The following GRID2 variants were observed in gnomAD, a reference collection of about 807,000 sequenced individuals.
GRID2 encodes glutamate ionotropic receptor delta type subunit 2.
In GRID2, 33 loss-of-function variants were observed where a neutral mutation model predicts 114.8. The ratio of observed to expected loss-of-function variants is 0.29; its 90% CI spans 0.22 to 0.38. GRID2 has a LOEUF of 0.38. Among genes scored for constraint, GRID2 ranks in the 10% least tolerant of loss-of-function variants. The pLI is 1.00. For missense variants in GRID2, 1,184 were observed against 1,257.7 expected (o/e 0.94, Z 0.89); for synonymous variants, 505 against 449.9 (o/e 1.12, Z -1.55).
chr4:93,531,182 A>G (rs1731408491), intron 13 of GRID2, among the ~76,000 whole-genome samples: 1 of 152,100 alleles, frequency 6.6e-6, no homozygotes, highest in Admixed American at 6.6e-5. Context: ...AGACAGAGTA[A>G]GACGAAGGCT....
chr4:93,199,263 A>T (rs1183261763), intron 4 of GRID2, among the ~76,000 whole-genome samples: 1 of 152,194 alleles, frequency 6.6e-6, no homozygotes, highest in African/African-American at 2.4e-5. Context: ...ACTGGCAATG[A>T]TTTTTAAATC....
At chr4:93,286,695 GTGTGTGTGTGT>G (rs1753201639) in intron 8 of GRID2, among the ~76,000 whole-genome samples, 1 of 137,238 alleles carries the variant, frequency 7.3e-6, no homozygotes. Context: ...GTGTGTGGGG[GTGTGTGTGTGT>G]GTGTGTGTGT....
intron 2 of GRID2, among the ~76,000 whole-genome samples, chr4:92,692,921 G>T (rs921475795): frequency 6.6e-6 from 1 of 151,848 alleles, no homozygotes; most frequent in African/African-American, 2.4e-5. Context: ...TACTCGGGAG[G>T]CTGGGGCAAG....
intron 10 of GRID2, among the ~76,000 whole-genome samples, chr4:93,449,464 A>T (rs1377711435): frequency 6.6e-6 from 1 of 152,132 alleles, no homozygotes; most frequent in Non-Finnish European, 1.5e-5. Context: ...TTATTCTCAG[A>T]TTAAATTACA....
At chr4:93,105,952 CAT>C (rs886457779) in intron 3 of GRID2, among the ~76,000 whole-genome samples, 4 of 152,116 alleles carry the variant, frequency 2.6e-5, no homozygotes, top group Non-Finnish European at 4.4e-5. Flanking sequence ...CAGGGATTAA[CAT>C]GTGAGCATTT....
At position 92,932,225 on chromosome 4, in the gene GRID2, AC is replaced by A. The variant is rs577012949; in HGVS notation, c.245-152769del. ...ACTTTTATGAGTAAATATGAAAAAA[AC>A]AACACATTAAAAAATGGTCAAAAGA... On this transcript the variant is annotated intron_variant, in intron 2 of 15. Coordinates refer to ENST00000282020, the MANE Select transcript of GRID2 (RefSeq NM_001510.4). Among the ~76,000 whole-genome samples the A allele has an allele frequency of 3.5e-3, 525 of 151,586 alleles. 2 individuals carry two copies. The highest frequency in any genetic ancestry group is 6.3e-3 in the Non-Finnish European group (424 of 67,520).
intron 2 of GRID2, among the ~76,000 whole-genome samples, chr4:92,695,667 T>C (rs1734393890): frequency 6.6e-6 from 1 of 152,170 alleles, no homozygotes. Context: ...GTCTATACTG[T>C]ATCTATTACT....
chr4:92,316,898 A>C (rs976431538), intron 1 of GRID2, among the ~76,000 whole-genome samples: 1 of 152,192 alleles, frequency 6.6e-6, no homozygotes, highest in African/African-American at 2.4e-5. Context: ...TAGGCTACAA[A>C]GTAAATACAA....
At chr4:93,261,914 T>G (rs906614639) in intron 8 of GRID2, among the ~76,000 whole-genome samples, 3 of 151,526 alleles carry the variant, frequency 2.0e-5, no homozygotes, top group Admixed American at 2.0e-4. Context: ...ATTTTAATTT[T>G]TTAAATATGT....
intron 4 of GRID2, among the ~76,000 whole-genome samples, chr4:93,171,839 C>A (rs1478283431): frequency 1.3e-5 from 2 of 152,066 alleles, no homozygotes; most frequent in Non-Finnish European, 2.9e-5. Context: ...GTCCCGCACA[C>A]TCAAGTTCAT....
rs34250856 is a variant in GRID2 at position 93,230,147 on chromosome 4, C to CGTGT, written c.1125+5392_1125+5395dup. On this transcript the variant is annotated intron_variant, in intron 7 of 15. Transcript: ENST00000282020. ...AACTTTAATAGGATGTGTGTGTATG[C>CGTGT]GTGTGTGTGTGTGTGTGTGTGTGCA... is the stretch of plus-strand genomic sequence containing the variant. 8.1e-5 allele frequency among the ~76,000 whole-genome samples: 12 copies of CGTGT among 148,646 alleles called. 1 individual carries two copies. The highest frequency in any genetic ancestry group is 1.3e-4 in the Admixed American group (2 of 14,900).
At chr4:92,585,848 T>C (rs1560473612) in intron 1 of GRID2, among the ~76,000 whole-genome samples, 1 of 151,972 alleles carries the variant, frequency 6.6e-6, no homozygotes. Flanking sequence ...GTATGATTAT[T>C]ACCTTGCTAA....
intron 2 of GRID2, among the ~76,000 whole-genome samples, chr4:93,067,910 C>T (rs1728449423): frequency 6.6e-6 from 1 of 151,972 alleles, no homozygotes; most frequent in Admixed American, 6.6e-5. Flanking sequence ...GTAATATTTA[C>T]ATATTTAATT....
intron 1 of GRID2, among the ~76,000 whole-genome samples, chr4:92,510,499 TG>T (rs1724189645): frequency 6.6e-6 from 1 of 151,822 alleles, no homozygotes; most frequent in Non-Finnish European, 1.5e-5. Context: ...GTCGAAAGAC[TG>T]GGTATAGTCA....
chr4:93,396,897 C>T (rs1765385020), intron 9 of GRID2, among the ~76,000 whole-genome samples: 1 of 151,966 alleles, frequency 6.6e-6, no homozygotes, highest in Admixed American at 6.6e-5. Flanking sequence ...AGTTTATAGC[C>T]TGTTTCAAAA....
chr4:92,709,782 T>A (rs924801248), intron 2 of GRID2, among the ~76,000 whole-genome samples: 2 of 151,710 alleles, frequency 1.3e-5, no homozygotes, highest in Non-Finnish European at 2.9e-5. Context: ...GTGAACCTGA[T>A]CTAACGTTAC....
At chr4:93,553,176 C>T (rs926279497) in intron 13 of GRID2, among the ~76,000 whole-genome samples, 2 of 152,116 alleles carry the variant, frequency 1.3e-5, no homozygotes, top group Non-Finnish European at 2.9e-5. Context: ...TCAAGTGGTA[C>T]TTCTAGTTCT....
intron 2 of GRID2, among the ~76,000 whole-genome samples, chr4:93,010,294 AT>A (rs1722000720): frequency 6.6e-6 from 1 of 151,978 alleles, no homozygotes; most frequent in Non-Finnish European, 1.5e-5. Context: ...AATCATTAAT[AT>A]TTTTGAGAGA....
chr4:92,785,214 A>G (rs184848456), intron 2 of GRID2, among the ~76,000 whole-genome samples: 284 of 151,430 alleles, frequency 1.9e-3, no homozygotes, highest in African/African-American at 6.1e-3. Context: ...AAATTTGTAG[A>G]CAAACGGATG....
Sources: allele counts gnomAD v4.1 joint callset (sites outside exome capture counted in the v4.1 genomes callset), GRCh38; gene constraint gnomAD v4.1.1; transcripts MANE v1.5; gene names NCBI Gene and HGNC (gene_info 2026-07-23, HGNC 2026-07-21).